Variants in SYT1 observed in about 807,000 individuals in gnomAD.
The protein encoded by SYT1 is synaptotagmin 1, also known as synaptotagmin-1.
In SYT1, 8 loss-of-function variants were observed where a neutral mutation model predicts 44.8. The ratio of observed to expected loss-of-function variants is 0.18; its 90% confidence interval spans 0.10 to 0.32. SYT1 has a LOEUF of 0.32. Among genes scored for constraint, SYT1 ranks in the 10% least tolerant of loss-of-function variants. SYT1 has a pLI of 1.00. For synonymous variants in SYT1, 154 were observed against 188.8 expected, an observed-to-expected ratio of 0.82 and a Z score of 1.51; for missense variants, 286 against 509.3, an observed-to-expected ratio of 0.56 and a Z score of 4.22.
At chr12:79,216,169 G>T (rs923924320) in intron 3 of SYT1, among the ~76,000 whole-genome samples, 2 of 151,984 alleles carry the variant, frequency 1.3e-5, no homozygotes, top group South Asian at 4.1e-4. Flanking sequence ...GACCTCAAGT[G>T]ATCCGCCTGC....
chr12:79,293,385 TAAAA>T lies in SYT1; in HGVS notation c.474+1256_474+1259del, dbSNP rs1565894567. On this transcript the variant is annotated intron_variant, in intron 6 of 10. Coordinates refer to ENST00000261205, the MANE Select transcript of SYT1 (RefSeq NM_005639.3). ...TAAAATAAAATAAAATAAAATAAAA[TAAAA>T]TAAAATAAAATAAAATAAAATTAAA... 3.2e-3 allele frequency among the ~76,000 whole-genome samples: 251 copies of T among 79,142 alleles called. 6 individuals are homozygous for T. The South Asian group carries it at 0.037, about 12-fold the overall frequency. 51.9% of individuals were successfully genotyped at this position (79,142 alleles called of 152,430 possible).
At chr12:78,922,861 C>T (rs1318136266) in intron 1 of SYT1, among the ~76,000 whole-genome samples, 1 of 151,886 alleles carries the variant, frequency 6.6e-6, no homozygotes, top group African/African-American at 2.4e-5. Context: ...TATTACTGTT[C>T]CCATTAAACA....
chr12:79,266,652 A>T (rs1336231076), intron 4 of SYT1, among the ~76,000 whole-genome samples: 1 of 152,200 alleles, frequency 6.6e-6, no homozygotes, highest in African/African-American at 2.4e-5. Flanking sequence ...ATCAAGGATC[A>T]TGGGAGTTGT....
At chr12:79,382,521 A>C (rs1884265904) in intron 9 of SYT1, among the ~76,000 whole-genome samples, 3 of 152,180 alleles carry the variant, frequency 2.0e-5, no homozygotes, top group African/African-American at 7.2e-5. Context: ...GATAATAAAG[A>C]ATATATACTA....
Position 79,018,062 on chromosome 12 carries a change from C to T in SYT1, c.-83-29235C>T, listed in dbSNP as rs145538545. On this transcript the variant is annotated intron_variant, in intron 2 of 10. Coordinates refer to ENST00000261205, the MANE Select transcript of SYT1 (RefSeq NM_005639.3). Reference sequence around the variant, plus strand: ...GACAATTTTTCTTAAAAATTGTGCACTGTTCACAATAGCAAAGACTTGGAA... The same window carrying T: ...GACAATTTTTCTTAAAAATTGTGCATTGTTCACAATAGCAAAGACTTGGAA... Among the ~76,000 whole-genome samples the T allele has an allele frequency of 2.0e-3, 276 of 139,640 alleles. 1 individual carries two copies. The highest frequency in any genetic ancestry group is 7.5e-3 in the African/African-American group (266 of 35,324). 91.6% of individuals were successfully genotyped at this position (139,640 alleles called of 152,430 possible).
intron 8 of SYT1, among the ~76,000 whole-genome samples, chr12:79,314,647 G>A (rs1880993312): frequency 2.0e-5 from 3 of 152,276 alleles, no homozygotes; most frequent in South Asian, 4.1e-4. Context: ...AGCCACTTTT[G>A]AAACCAGTTT....
chr12:79,398,401 C>T (rs1383638432), intron 9 of SYT1, among the ~76,000 whole-genome samples: 5 of 152,152 alleles, frequency 3.3e-5, no homozygotes, highest in Admixed American at 3.3e-4. Context: ...TGGCTTTGTA[C>T]TGTTAGCCAA....
At chr12:78,926,619 A>G (rs1047554696) in intron 1 of SYT1, 3 of 151,880 alleles carry the variant, frequency 2.0e-5, no homozygotes, top group South Asian at 2.1e-4. Flanking sequence ...CCAAAAAAAA[A>G]GTATACTTAG....
intron 1 of SYT1, among the ~76,000 whole-genome samples, chr12:78,916,456 C>CT (rs1451562720): frequency 6.6e-6 from 1 of 151,910 alleles, no homozygotes; most frequent in East Asian, 1.9e-4. Context: ...ACTTATTTCT[C>CT]TTTTTTGTTT....
chr12:78,866,543 CA>C (rs1353841942), intron 1 of SYT1, among the ~76,000 whole-genome samples: 1 of 152,190 alleles, frequency 6.6e-6, no homozygotes, highest in Non-Finnish European at 1.5e-5. Flanking sequence ...GCCTTTACAG[CA>C]GCTTCAGCAG....
At position 78,946,611 on chromosome 12, in the gene SYT1, T is replaced by C. The variant is rs143651764; in HGVS notation, c.-216-31188T>C. On this transcript the variant is annotated intron_variant, in intron 1 of 10. Transcript: ENST00000261205. ...CAGAGGCAGGAGAATCGCTTGAACC[T>C]GGGAGGCAGAGGTTGCTGTGAACCA... is the stretch of plus-strand genomic sequence containing the variant. 1.2e-3 allele frequency among the ~76,000 whole-genome samples: 186 copies of C among 151,814 alleles called. 1 individual carries two copies. Among genetic ancestry groups the C allele is most frequent in the Middle Eastern group, 0.01 (3 of 294 alleles).
At chr12:79,280,348 G>A (rs949977434) in intron 4 of SYT1, among the ~76,000 whole-genome samples, 5 of 151,878 alleles carry the variant, frequency 3.3e-5, no homozygotes, top group East Asian at 1.9e-4. Context: ...ATAAAGCCAC[G>A]TCTCTACAGC....
At chr12:78,909,089 A>T (rs1876158564) in intron 1 of SYT1, among the ~76,000 whole-genome samples, 1 of 151,844 alleles carries the variant, frequency 6.6e-6, no homozygotes, top group Non-Finnish European at 1.5e-5. Context: ...GGCTATCTTA[A>T]TTGGCATTGC....
At chr12:79,408,283 C>CA (rs1165930389) in intron 9 of SYT1, among the ~76,000 whole-genome samples, 2 of 152,130 alleles carry the variant, frequency 1.3e-5, no homozygotes, top group African/African-American at 4.8e-5. Flanking sequence ...CTGAATTTCA[C>CA]AACTATTGAA....
chr12:79,052,461 C>G (rs2137797919), intron 3 of SYT1, among the ~76,000 whole-genome samples: 1 of 152,264 alleles, frequency 6.6e-6, no homozygotes, highest in East Asian at 1.9e-4. Context: ...GACTTCATGT[C>G]TAAAACACCA....
intron 3 of SYT1, among the ~76,000 whole-genome samples, chr12:79,065,370 G>A (rs960192961): frequency 3.9e-5 from 6 of 152,120 alleles, no homozygotes; most frequent in South Asian, 2.1e-4. Flanking sequence ...CAGCCTGGGC[G>A]ACTGAGCGAG....
intron 3 of SYT1, among the ~76,000 whole-genome samples, chr12:79,075,653 A>G (rs1208530655): frequency 6.6e-6 from 1 of 152,096 alleles, no homozygotes; most frequent in Non-Finnish European, 1.5e-5. Context: ...CGGCTATTTG[A>G]TCTTGAAGGT....
chr12:79,274,452 C>A (rs1169051089), intron 4 of SYT1, among the ~76,000 whole-genome samples: 1 of 152,152 alleles, frequency 6.6e-6, no homozygotes, highest in Non-Finnish European at 1.5e-5. Flanking sequence ...TCTTCCTGTG[C>A]AGACTGTTTT....
intron 2 of SYT1, among the ~76,000 whole-genome samples, chr12:79,026,702 T>TTTTTTATATATATATATATATATAAAA: frequency 8.0e-6 from 1 of 125,328 alleles, no homozygotes; most frequent in South Asian, 2.5e-4. Flanking sequence ...TATATATATA[T>TTTTTTATATATATATATATATATAAAA]CACACTTTCA....
Sources: gnomAD v4.1 joint callset for allele counts (sites outside exome capture counted in the v4.1 genomes callset) on GRCh38, gnomAD v4.1.1 for gene constraint, MANE v1.5 for transcripts, NCBI Gene and HGNC (gene_info 2026-07-23, HGNC 2026-07-21) for gene names.